The following ZFP14 variants were observed in gnomAD, a reference collection of about 807,000 sequenced individuals.
ZFP14 encodes the protein ZFP14 zinc finger protein.
A neutral mutation model predicts 54.5 loss-of-function variants in ZFP14; 22 were observed. The ratio of observed to expected loss-of-function variants is 0.40; its 90% CI spans 0.29 to 0.58. The LOEUF (loss-of-function observed/expected upper bound fraction) is 0.58, where lower values mean the gene tolerates loss of function less well. ZFP14 is among the 20% of genes least tolerant of loss of function. ZFP14 has a pLI of 0.39. For missense variants in ZFP14, 470 were observed against 637.8 expected (o/e 0.74, Z 2.83); for synonymous variants, 159 against 204.0 (o/e 0.78, Z 1.88).
chr19:36,351,735 C>T (rs1210825393), intron 4 of ZFP14, among the ~76,000 whole-genome samples: 1 of 139,498 alleles, frequency 7.2e-6, no homozygotes, highest in Non-Finnish European at 1.6e-5. Context: ...GGTGTGTACC[C>T]GTAGTCCTAC....
chr19:36,379,130 CGCCCATT>C (rs2032010993), intron 1 of ZFP14, 26 bp downstream of exon 1: 1 of 152,730 alleles, frequency 6.5e-6, no homozygotes, highest in Non-Finnish European at 1.5e-5. Flanking sequence ...GCCACCCCCG[CGCCCATT>C]GCCTCGGTGC....
intron 1 of ZFP14, among the ~76,000 whole-genome samples, chr19:36,377,161 A>G (rs972653978): frequency 6.6e-6 from 1 of 152,174 alleles, no homozygotes; most frequent in African/African-American, 2.4e-5. Flanking sequence ...CGCCAATCAA[A>G]CCACCTCCTT....
rs1437217980 is a variant in ZFP14 at position 36,341,735 on chromosome 19, T to C, written c.236-145A>G. On this transcript the variant is annotated intron_variant, in intron 4 of 4. Coordinates refer to ENST00000270001, the MANE Select transcript of ZFP14 (RefSeq NM_020917.3). This position sits in a 1 kb window ranked among gnomAD's most constrained non-coding sequence, Gnocchi z 4.2. ...GAATGGATTAGACAGATCTCAAACA[T>C]AGACATTTCTGCCACAATCTTATAT... 2.8e-6 allele frequency: 2 copies of C among 709,038 alleles called. No individual in the cohort carries two copies. Among genetic ancestry groups the C allele is most frequent in the Admixed American group, 3.7e-5 (1 of 27,364 alleles). 43.9% of individuals were successfully genotyped at this position (709,038 alleles called of 1,614,324 possible). A position where few individuals can be genotyped will look rare whatever the true frequency, so the allele number is the denominator to read the frequency against.
rs2031318082 is a variant in ZFP14, at chr19:36,341,646, A to G, written c.236-56T>C. On this transcript the variant is annotated intron_variant, in intron 4 of 4. Coordinates refer to ENST00000270001, the MANE Select transcript of ZFP14 (RefSeq NM_020917.3). This position sits in a 1 kb window ranked among gnomAD's most constrained non-coding sequence, Gnocchi z 4.2. The stretch of plus-strand genomic sequence containing the variant: ...TGTTTTCCTGTTCCAGAAAGAAAAA[A>G]CAAACAAACAAAAAAACCACTTCTA... 1 of 1,477,180 alleles carries G rather than the reference A, an allele frequency of 6.8e-7. No individual in the cohort carries two copies. Among genetic ancestry groups the G allele is most frequent in the Admixed American group, 2.6e-5 (1 of 38,664 alleles). 91.5% of individuals were successfully genotyped at this position (1,477,180 alleles called of 1,614,324 possible). A position where few individuals can be genotyped will look rare whatever the true frequency, so the allele number is the denominator to read the frequency against.
intron 4 of ZFP14, among the ~76,000 whole-genome samples, chr19:36,351,434 G>A (rs968674634): frequency 7.0e-6 from 1 of 142,540 alleles, no homozygotes; most frequent in Non-Finnish European, 1.6e-5. Context: ...AGGAGGCAGA[G>A]GTTGCAGTGA....
rs1225711247 is a variant in ZFP14, at chr19:36,335,643, T to C, written c.*4581A>G. Reference sequence around the variant, plus strand: ...TACGGTGAGTTAATTGTAAAACATATTCCTTTTGGGGGAAAAATGCAATCC... The same window carrying C: ...TACGGTGAGTTAATTGTAAAACATACTCCTTTTGGGGGAAAAATGCAATCC... On this transcript the variant is annotated 3_prime_UTR_variant, in exon 5 of 5. Transcript: ENST00000270001. 1 of 152,112 alleles carries C rather than the reference T, an allele frequency of 6.6e-6. No individual in the cohort carries two copies. Among genetic ancestry groups the C allele is most frequent in the Admixed American group, 6.6e-5 (1 of 15,264 alleles). The allele number at this position is 152,112 out of a possible 1,614,324, so 9.4% of individuals were successfully genotyped here. A position where few individuals can be genotyped will look rare whatever the true frequency, so the allele number is the denominator to read the frequency against.
chr19:36,357,605 T>C (rs2031636776), intron 4 of ZFP14, among the ~76,000 whole-genome samples: 1 of 152,234 alleles, frequency 6.6e-6, no homozygotes, highest in African/African-American at 2.4e-5. Flanking sequence ...TTGGCATCTT[T>C]GTCAAACAAT....
At chr19:36,343,037 A>G (rs1028321446) in intron 4 of ZFP14, among the ~76,000 whole-genome samples, 1 of 152,222 alleles carries the variant, frequency 6.6e-6, no homozygotes, top group Non-Finnish European at 1.5e-5. Context: ...GAGTGCAGGC[A>G]GGGCTGGTGA....
chr19:36,369,690 C>T (rs2031851780), intron 1 of ZFP14, among the ~76,000 whole-genome samples: 2 of 152,104 alleles, frequency 1.3e-5, no homozygotes, highest in African/African-American at 4.8e-5. Context: ...GGATTACAGG[C>T]GTGAGCCACC....
At chr19:36,375,831 A>G (rs2031953239) in intron 1 of ZFP14, among the ~76,000 whole-genome samples, 2 of 152,038 alleles carry the variant, frequency 1.3e-5, no homozygotes, top group South Asian at 4.1e-4. Context: ...TGCTGGGATT[A>G]CAGGCGTGAG....
At chr19:36,358,921 T>C (rs1196809024) in intron 4 of ZFP14, among the ~76,000 whole-genome samples, 1 of 152,144 alleles carries the variant, frequency 6.6e-6, no homozygotes, top group African/African-American at 2.4e-5. Flanking sequence ...GGATTGGGAC[T>C]GATGACTTTA....
rs2031318694 is a variant in ZFP14 at position 36,341,666 on chromosome 19, C to A, written c.236-76G>T. 1 of 1,398,316 alleles carries A rather than the reference C, an allele frequency of 7.2e-7. No homozygotes were observed. Among genetic ancestry groups the A allele is most frequent in the East Asian group, 2.4e-5 (1 of 41,510 alleles). 86.6% of individuals were successfully genotyped at this position (1,398,316 alleles called of 1,614,324 possible). A position where few individuals can be genotyped will look rare whatever the true frequency, so the allele number is the denominator to read the frequency against. ...AAAAAACAAACAAACAAAAAAACCA[C>A]TTCTATAGAGAAAAGGCACCTAAAA... On this transcript the variant is annotated intron_variant, in intron 4 of 4. Transcript: ENST00000270001. The surrounding 1 kb of genome is among the most constrained non-coding windows in gnomAD (Gnocchi z 4.2).
chr19:36,376,151 G>A (rs2031959183), intron 1 of ZFP14, among the ~76,000 whole-genome samples: 1 of 152,132 alleles, frequency 6.6e-6, no homozygotes, highest in South Asian at 2.1e-4. Flanking sequence ...GGATTGTTAT[G>A]AGAAATAAAT....
rs1007493562 is a variant in ZFP14 at position 36,338,400 on chromosome 19, G to A, written c.*1824C>T. On this transcript the variant is annotated 3_prime_UTR_variant, in exon 5 of 5. Transcript: ENST00000270001. ...GATTTATTGATTTCAAGAATAATGA[G>A]TTGGGCTGGGTGTGGTGGCTCATAC... The A allele has an allele frequency of 6.6e-6, 1 of 151,942 alleles. No homozygotes were observed. Among genetic ancestry groups the A allele is most frequent in the Non-Finnish European group, 1.5e-5 (1 of 67,996 alleles). The allele number at this position is 151,942 out of a possible 1,614,324, so 9.4% of individuals were successfully genotyped here.
At chr19:36,366,110 A>C (rs531179331) in intron 2 of ZFP14, among the ~76,000 whole-genome samples, 1 of 151,804 alleles carries the variant, frequency 6.6e-6, no homozygotes, top group East Asian at 2.0e-4. Context: ...ACAAAAAAAA[A>C]CACAAAAAAT....
At chr19:36,359,853 C>T (rs887535438) in intron 4 of ZFP14, among the ~76,000 whole-genome samples, 9 of 152,046 alleles carry the variant, frequency 5.9e-5, no homozygotes, top group African/African-American at 1.4e-4. Flanking sequence ...CAGTGTTTTG[C>T]TGCGTTGGCC....
intron 4 of ZFP14, among the ~76,000 whole-genome samples, chr19:36,357,937 T>C (rs909603820): frequency 2.6e-5 from 4 of 151,744 alleles, no homozygotes; most frequent in Non-Finnish European, 5.9e-5. Context: ...GAGATAGGGT[T>C]TTACCATGTT....
chr19:36,374,011 C>A (rs1276506982), intron 1 of ZFP14, among the ~76,000 whole-genome samples: 1 of 151,384 alleles, frequency 6.6e-6, no homozygotes, highest in Non-Finnish European at 1.5e-5. Flanking sequence ...CAAAATGTAC[C>A]TTTTTACAAT....
chr19:36,374,397 G>A lies in ZFP14; in HGVS notation c.-80+4766C>T, dbSNP rs528675433. On this transcript the variant is annotated intron_variant, in intron 1 of 4. Coordinates refer to ENST00000270001, the MANE Select transcript of ZFP14 (RefSeq NM_020917.3). ...CCCAGCTACTCGGGAGGCTGGGGCA[G>A]AAGAATCGCTTGAACCCAGGAGACG... Among the ~76,000 whole-genome samples, 154 of 150,140 alleles carry A rather than the reference G, an allele frequency of 1.0e-3. 6 individuals carry two copies. In the South Asian group the frequency reaches 0.028, roughly 27 times the overall value.
Sources: allele counts gnomAD v4.1 joint callset (sites outside exome capture counted in the v4.1 genomes callset), GRCh38; gene constraint gnomAD v4.1.1; non-coding constraint Gnocchi (gnomAD v3.1); transcripts MANE v1.5; gene names NCBI Gene and HGNC (gene_info 2026-07-23, HGNC 2026-07-21).